Variants in AGBL1 observed in about 807,000 individuals in gnomAD.
The protein encoded by AGBL1 is AGBL carboxypeptidase 1, also known as cytosolic carboxypeptidase 4.
AGBL1 carries 130 observed loss-of-function variants against 118.9 expected under a neutral mutation model. That is an observed-to-expected ratio of 1.09 (90% CI 0.95 to 1.26). The LOEUF is 1.26. AGBL1 is among the 50% of genes most tolerant of loss of function. The pLI is 0.00. For synonymous variants in AGBL1, 555 were observed against 478.9 expected, an observed-to-expected ratio of 1.16 and a Z score of -2.08; for missense variants, 1,584 against 1,298.1, an observed-to-expected ratio of 1.22 and a Z score of -3.38.
intron 21 of AGBL1, among the ~76,000 whole-genome samples, chr15:86,557,840 G>A (rs1305830814): frequency 6.6e-6 from 1 of 152,064 alleles, no homozygotes; most frequent in Non-Finnish European, 1.5e-5. Flanking sequence ...TAAATAAATG[G>A]CAATTTCCAA....
chr15:86,987,898 A>G, intron 23 of AGBL1: 2 of 1,494,472 alleles, frequency 1.3e-6, no homozygotes, highest in South Asian at 2.7e-5. Context: ...CCCACTCAAT[A>G]ATATGTTTTT....
chr15:86,313,967 C>T lies in AGBL1; in HGVS notation c.2374+18559C>T, dbSNP rs80314651. ...GACAGGGTTGGAAGGCACCCACACACAAGTTAGATGATGAGCCCTACTAAA... is the reference window on the plus strand; with the variant it reads ...GACAGGGTTGGAAGGCACCCACACATAAGTTAGATGATGAGCCCTACTAAA... On this transcript the variant is annotated intron_variant, in intron 17 of 22. Transcript: ENST00000614907. Among the ~76,000 whole-genome samples, 177 of 152,286 alleles carry T rather than the reference C, an allele frequency of 1.2e-3. 2 individuals are homozygous for T. The highest frequency in any genetic ancestry group is 4.0e-3 in the African/African-American group (167 of 41,560).
intron 21 of AGBL1, among the ~76,000 whole-genome samples, chr15:86,653,550 G>T (rs2085412888): frequency 6.6e-6 from 1 of 152,078 alleles, no homozygotes. Flanking sequence ...TATAAACCGT[G>T]CACTTGAGCC....
chr15:86,733,432 A>G (rs2077553974), intron 22 of AGBL1, among the ~76,000 whole-genome samples: 1 of 152,220 alleles, frequency 6.6e-6, no homozygotes, highest in South Asian at 2.1e-4. Flanking sequence ...CCAGAAACAC[A>G]GACACCCAGA....
chr15:86,633,811 AATGT>A (rs1445652558), intron 21 of AGBL1, among the ~76,000 whole-genome samples: 125 of 5,710 alleles, frequency 0.022, no homozygotes, highest in Non-Finnish European at 0.043. Context: ...ATATATATAT[AATGT>A]ATGTATATAT....
At chr15:86,130,313 CT>C (rs936853076) in intron 1 of AGBL1, among the ~76,000 whole-genome samples, 2 of 151,342 alleles carry the variant, frequency 1.3e-5, no homozygotes, top group African/African-American at 2.4e-5. Flanking sequence ...AAGTTGGCTT[CT>C]TTTTTTTTAA....
chr15:86,099,163 C>T (rs928771082), intron 1 of AGBL1, among the ~76,000 whole-genome samples: 6 of 151,874 alleles, frequency 4.0e-5, no homozygotes, highest in African/African-American at 1.2e-4. Context: ...TGATAATGCA[C>T]CTGAAAGAAC....
intron 18 of AGBL1, among the ~76,000 whole-genome samples, chr15:86,476,263 C>T (rs944118753): frequency 6.6e-6 from 1 of 152,048 alleles, no homozygotes; most frequent in Non-Finnish European, 1.5e-5. Context: ...GCTAAATGCT[C>T]CAATTAAAAG....
chr15:86,866,300 T>C (rs934301454), intron 22 of AGBL1, among the ~76,000 whole-genome samples: 8 of 152,292 alleles, frequency 5.3e-5, no homozygotes, highest in African/African-American at 1.9e-4. Context: ...TCAGGTACTA[T>C]TCTTGAATTG....
chr15:86,238,146 C>G (rs920905042), intron 6 of AGBL1, among the ~76,000 whole-genome samples: 1 of 152,148 alleles, frequency 6.6e-6, no homozygotes, highest in African/African-American at 2.4e-5. Flanking sequence ...TTTGTTTTCT[C>G]TGTATCACTT....
intron 1 of AGBL1, among the ~76,000 whole-genome samples, chr15:86,138,675 C>A (rs775018830): frequency 2.0e-5 from 3 of 152,040 alleles, no homozygotes; most frequent in Non-Finnish European, 4.4e-5. Flanking sequence ...TCTTCTTTCC[C>A]TTTTCTCCTT....
At chr15:86,570,687 T>C (rs2083993232) in intron 21 of AGBL1, among the ~76,000 whole-genome samples, 1 of 152,186 alleles carries the variant, frequency 6.6e-6, no homozygotes, top group Admixed American at 6.5e-5. Flanking sequence ...ACAAACTATT[T>C]TTCAGGGTCT....
At chr15:86,739,123 G>A (rs1204603084) in intron 22 of AGBL1, among the ~76,000 whole-genome samples, 1 of 152,068 alleles carries the variant, frequency 6.6e-6, no homozygotes, top group Non-Finnish European at 1.5e-5. Flanking sequence ...TCCAGTCTGG[G>A]TGACAGAAGC....
At chr15:86,424,628 T>C (rs2081841180) in intron 18 of AGBL1, among the ~76,000 whole-genome samples, 1 of 152,162 alleles carries the variant, frequency 6.6e-6, no homozygotes, top group Non-Finnish European at 1.5e-5. Flanking sequence ...AAAATGTTTT[T>C]GATCTATCCA....
chr15:86,894,086 G>C (rs1195162691), intron 22 of AGBL1, among the ~76,000 whole-genome samples: 1 of 152,064 alleles, frequency 6.6e-6, no homozygotes, highest in East Asian at 1.9e-4. Context: ...CTTCACTTTT[G>C]AATGTGTGTT....
chr15:86,526,120 A>T (rs940902376), intron 19 of AGBL1, among the ~76,000 whole-genome samples: 2 of 152,164 alleles, frequency 1.3e-5, no homozygotes, highest in South Asian at 4.1e-4. Flanking sequence ...AAAATGCTCA[A>T]CGTCACTAAT....
At chr15:86,415,414 G>T (rs776705528) in intron 18 of AGBL1, among the ~76,000 whole-genome samples, 6 of 152,060 alleles carry the variant, frequency 3.9e-5, no homozygotes, top group Non-Finnish European at 8.8e-5. Flanking sequence ...GGGGATAATA[G>T]CAAGTAATGA....
intron 1 of AGBL1, among the ~76,000 whole-genome samples, chr15:86,108,132 C>A (rs562427564): frequency 6.6e-6 from 1 of 152,268 alleles, no homozygotes; most frequent in East Asian, 1.9e-4. Flanking sequence ...CTCGCTGCAA[C>A]CAGCAAATTA....
At chr15:86,256,831 A>C in intron 7 of AGBL1, 22 bp from the exon 8 acceptor site, 1 of 1,613,098 alleles carries the variant, frequency 6.2e-7, no homozygotes, top group East Asian at 2.2e-5. Context: ...TTGGCATCTG[A>C]TATAATCTTC....
Sources: allele counts gnomAD v4.1 joint callset (sites outside exome capture counted in the v4.1 genomes callset), GRCh38; gene constraint gnomAD v4.1.1; transcripts MANE v1.5; gene names NCBI Gene and HGNC (gene_info 2026-07-23, HGNC 2026-07-21).